ARSF: variants seen among roughly 807,000 people sequenced by gnomAD.
ARSF encodes arylsulfatase F.
In ARSF, 33 loss-of-function variants were observed where a neutral mutation model predicts 35.4. The observed-to-expected ratio is 0.93, with a 90% CI of 0.71 to 1.25. The LOEUF (loss-of-function observed/expected upper bound fraction) is 1.25, where lower values mean the gene tolerates loss of function less well. ARSF is among the 50% of genes most tolerant of loss of function. The pLI is 0.00. For synonymous variants in ARSF, 222 were observed against 193.1 expected (o/e 1.15, Z -1.24); for missense variants, 501 against 480.2 (o/e 1.04, Z -0.40).
rs148397786 is a variant in ARSF, at chrX:3,112,204, C to A, written c.1421C>A (p.Thr474Asn). 12 of 1,206,391 alleles carry A rather than the reference C, an allele frequency of 9.9e-6. No homozygotes were observed. Among genetic ancestry groups the A allele is most frequent in the African/African-American group, 1.8e-5 (1 of 56,654 alleles). Residue 474 changes from threonine to asparagine, a missense_variant, in exon 11 of 11, where the codon ACC becomes AAC. Thr to Asn is a moderately conservative substitution (Grantham distance 65). Coordinates refer to ENST00000381127, the MANE Select transcript of ARSF (RefSeq NM_001201539.2). ...SGSVWKAHYV[T>N]PVFQPPASGG... is the part of the protein sequence containing the mutation. ...TCAGTTTGGAAGGCTCACTATGTGA[C>A]CCCGGTATTCCAGCCACCAGCTTCT...
At chrX:3,092,981 G>A (rs923226039) in intron 7 of ARSF, among the ~76,000 whole-genome samples, 1 of 111,464 alleles carries the variant, frequency 9.0e-6, no homozygotes, top group Non-Finnish European at 1.9e-5. Flanking sequence ...AACCATCCTG[G>A]TTAACACTGT....
chrX:3,070,028 C>T (rs778845396), intron 2 of ARSF, among the ~76,000 whole-genome samples: 11 of 111,574 alleles, frequency 9.9e-5, no homozygotes, highest in African/African-American at 3.2e-4. Context: ...TTGTATCCTT[C>T]GACCAACATC....
intron 3 of ARSF, among the ~76,000 whole-genome samples, chrX:3,073,249 TATATA>T (rs1483125240): frequency 1.0e-5 from 1 of 100,190 alleles, no homozygotes; most frequent in African/African-American, 3.6e-5. Flanking sequence ...ATATATATAA[TATATA>T]ATATTCATAA....
At chrX:3,075,510 GTC>G (rs1375489198) in intron 3 of ARSF, among the ~76,000 whole-genome samples, 1 of 103,280 alleles carries the variant, frequency 9.7e-6, no homozygotes, top group African/African-American at 3.6e-5. Flanking sequence ...CTCTCTCTCT[GTC>G]TCTCTCTGTC....
At chrX:3,090,363 C>A (rs1204235684) in intron 7 of ARSF, among the ~76,000 whole-genome samples, 2 of 111,507 alleles carry the variant, frequency 1.8e-5, no homozygotes, top group Non-Finnish European at 3.8e-5. Context: ...ACAAGATCAG[C>A]TAAAATCTAT....
upstream of ARSF, among the ~76,000 whole-genome samples, chrX:3,041,258 T>C (rs1321159406): frequency 2.5e-4 from 27 of 108,734 alleles, no homozygotes; most frequent in Admixed American, 4.0e-4. Flanking sequence ...CTACTTTAAA[T>C]CTTCTGTTTA....
intron 7 of ARSF, among the ~76,000 whole-genome samples, 167 bp from the exon 8 acceptor site, chrX:3,100,920 A>G (rs1046037952): frequency 9.0e-6 from 1 of 111,645 alleles, no homozygotes; most frequent in Non-Finnish European, 1.9e-5. Context: ...TTCTCTTTCA[A>G]TGGTTTGTCA....
chrX:3,092,375 C>G (rs1276829916), intron 7 of ARSF, among the ~76,000 whole-genome samples: 2 of 111,796 alleles, frequency 1.8e-5, no homozygotes, highest in Non-Finnish European at 3.8e-5. Context: ...GTCATTCAAA[C>G]TCAGGCTGTG....
At position 3,112,528 on chromosome X, in the gene ARSF, A is replaced by G. The variant is rs1446157479; in HGVS notation, c.1745A>G (p.Gln582Arg). ...CLCDKEEEVS[Q>R]PRGPNEKR Reference sequence around the variant, plus strand: ...TGTGACAAGGAAGAGGAAGTCTCTCAGCCTCGGGGTCCTAACGAGAAGAGA... The same window carrying G: ...TGTGACAAGGAAGAGGAAGTCTCTCGGCCTCGGGGTCCTAACGAGAAGAGA... The change falls in exon 11 of 11, where the codon CAG becomes CGG. Residue 582 changes from glutamine to arginine, a missense_variant. Transcript: ENST00000381127. 1 of 1,210,553 alleles carries G rather than the reference A, an allele frequency of 8.3e-7. No homozygotes were observed. Among genetic ancestry groups the G allele is most frequent in the Non-Finnish European group, 1.1e-6 (1 of 894,934 alleles).
At chrX:3,088,086 A>G (rs112724887) in intron 6 of ARSF, among the ~76,000 whole-genome samples, 3,007 of 112,138 alleles carry the variant, frequency 0.027, 47 homozygotes, top group Middle Eastern at 0.06. Context: ...AGGACTTATC[A>G]TTCATGCAGA....
Sources: allele counts gnomAD v4.1 joint callset (sites outside exome capture counted in the v4.1 genomes callset), GRCh38; gene constraint gnomAD v4.1.1; transcripts MANE v1.5; gene names NCBI Gene and HGNC (gene_info 2026-07-23, HGNC 2026-07-21).